The following PHKB variants were observed in gnomAD, a reference collection of about 807,000 sequenced individuals.
PHKB encodes phosphorylase kinase regulatory subunit beta.
PHKB carries 122 observed loss-of-function variants against 152.1 expected under a neutral mutation model. The ratio of observed to expected loss-of-function variants is 0.80; its 90% CI spans 0.69 to 0.93. The LOEUF (loss-of-function observed/expected upper bound fraction) is 0.93, where lower values mean the gene tolerates loss of function less well. Among genes scored for constraint, PHKB ranks in the 40% least tolerant of loss-of-function variants. The probability of loss-of-function intolerance (pLI) is 0.00; values close to 1 mark genes in which losing one functional copy is unlikely to be tolerated. For missense variants in PHKB, 1,304 were observed against 1,328.4 expected, an observed-to-expected ratio of 0.98 and a Z score of 0.29; for synonymous variants, 436 against 464.9, an observed-to-expected ratio of 0.94 and a Z score of 0.80.
At chr16:47,462,838 T>C (rs1969597151) in intron 1 of PHKB, 1 of 152,050 alleles carries the variant, frequency 6.6e-6, no homozygotes, top group Non-Finnish European at 1.5e-5. Context: ...AAAGTTCAGC[T>C]TTATATACTT....
chr16:47,604,060 A>G (rs1972281476), intron 13 of PHKB, among the ~76,000 whole-genome samples: 1 of 152,106 alleles, frequency 6.6e-6, no homozygotes, highest in Admixed American at 6.6e-5. Flanking sequence ...AAAAGCAAAA[A>G]CATTGCTAAC....
At chr16:47,547,291 T>G (rs946914493) in intron 6 of PHKB, 142 bp from the exon 7 acceptor site, 1 of 652,148 alleles carries the variant, frequency 1.5e-6, no homozygotes, top group East Asian at 2.8e-5. Flanking sequence ...TGCATGTTGG[T>G]CATGCTGGTC....
intron 26 of PHKB, among the ~76,000 whole-genome samples, chr16:47,673,318 G>A (rs1179350925): frequency 6.6e-6 from 1 of 152,078 alleles, no homozygotes; most frequent in Non-Finnish European, 1.5e-5. Flanking sequence ...TAGTAATGTG[G>A]AATTTAGGAA....
At chr16:47,621,622 A>G (rs2151715240) in intron 14 of PHKB, among the ~76,000 whole-genome samples, 1 of 152,340 alleles carries the variant, frequency 6.6e-6, no homozygotes, top group Admixed American at 6.5e-5. Flanking sequence ...TAGCTTGGCA[A>G]AGAAATAAAG....
Position 47,669,331 on chromosome 16 carries a change from C to T in PHKB, c.2544C>T (p.Val848=), listed in dbSNP as rs200981011. 161 of 1,614,078 alleles carry T rather than the reference C, an allele frequency of 1.0e-4. No homozygotes were observed. The Middle Eastern group carries it at 1.6e-3, about 17-fold the overall frequency. The change falls in exon 26 of 31, where the codon GTC becomes GTT. Residue 848 remains valine (V), a synonymous_variant. Coordinates refer to ENST00000323584, the MANE Select transcript of PHKB (RefSeq NM_000293.3). Reference sequence around the variant, plus strand: ...ACACCCATGATGAGAGGGAAGCGGTCATTCAGCAAGAACTGGTCATCCATA... The same window carrying T: ...ACACCCATGATGAGAGGGAAGCGGTTATTCAGCAAGAACTGGTCATCCATA... The part of the protein sequence containing the change: ...KCNTHDEREA[V]IQQELVIHIG...
At chr16:47,474,333 C>CA (rs1458722449) in intron 1 of PHKB, among the ~76,000 whole-genome samples, 1 of 152,132 alleles carries the variant, frequency 6.6e-6, no homozygotes, top group African/African-American at 2.4e-5. Context: ...TAGAGATGAA[C>CA]ACTTATGCTG....
intron 7 of PHKB, among the ~76,000 whole-genome samples, chr16:47,574,411 A>G (rs1008971684): frequency 6.6e-6 from 1 of 152,162 alleles, no homozygotes; most frequent in Non-Finnish European, 1.5e-5. Flanking sequence ...AAGTGTCTGA[A>G]GTTTCTTTCA....
At chr16:47,568,223 C>G (rs78392951) in intron 7 of PHKB, among the ~76,000 whole-genome samples, 3,975 of 152,218 alleles carry the variant, frequency 0.026, 161 homozygotes, top group African/African-American at 0.09. Flanking sequence ...TGTTACTGAT[C>G]AGCTCAAGAT....
chr16:47,566,732 C>A, intron 7 of PHKB: 1 of 765,306 alleles, frequency 1.3e-6, no homozygotes, highest in Non-Finnish European at 2.4e-6. Flanking sequence ...CATTACTGTT[C>A]CAAGTTGTTG....
chr16:47,616,799 C>G (rs1439617925), intron 14 of PHKB, among the ~76,000 whole-genome samples: 1 of 151,744 alleles, frequency 6.6e-6, no homozygotes, highest in Non-Finnish European at 1.5e-5. Context: ...TCAGGGATCT[C>G]ACTGCCTTCA....
At chr16:47,685,924 G>T (rs768644845) in intron 26 of PHKB, among the ~76,000 whole-genome samples, 32 of 151,964 alleles carry the variant, frequency 2.1e-4, no homozygotes, top group Non-Finnish European at 4.6e-4. Context: ...TGTATTTTTA[G>T]TGGAGACAGG....
rs530278106 is a variant in PHKB, at chr16:47,614,277, A to G, written c.1458+3357A>G. Among the ~76,000 whole-genome samples the G allele has an allele frequency of 3.3e-4, 51 of 152,332 alleles. No individual in the cohort carries two copies. Among genetic ancestry groups the G allele is most frequent in the Non-Finnish European group, 6.9e-4 (47 of 68,020 alleles). On this transcript the variant is annotated intron_variant, in intron 14 of 30. Coordinates refer to ENST00000323584, the MANE Select transcript of PHKB (RefSeq NM_000293.3). ...ATGAGAACTCCACCTCCATGATCCA[A>G]TCACATCCCACCAGTCCCTACCTTC...
At chr16:47,624,697 G>C (rs1972678619) in intron 14 of PHKB, among the ~76,000 whole-genome samples, 1 of 151,998 alleles carries the variant, frequency 6.6e-6, no homozygotes, top group Admixed American at 6.6e-5. Context: ...CTGTATTTAA[G>C]TGCTCCGCAG....
chr16:47,542,681 A>T (rs1971081803), intron 6 of PHKB, among the ~76,000 whole-genome samples: 1 of 152,070 alleles, frequency 6.6e-6, no homozygotes, highest in Admixed American at 6.6e-5. Flanking sequence ...TTCATTTAGC[A>T]GTGGTTTGTA....
intron 7 of PHKB, among the ~76,000 whole-genome samples, chr16:47,563,184 T>G (rs557161044): frequency 6.6e-6 from 1 of 151,324 alleles, no homozygotes; most frequent in Non-Finnish European, 1.5e-5. Context: ...CCTGTTAGTA[T>G]TGACATTTTG....
At chr16:47,581,295 TCCCAACTC>T (rs1210069315) in intron 8 of PHKB, among the ~76,000 whole-genome samples, 1 of 152,190 alleles carries the variant, frequency 6.6e-6, no homozygotes, top group African/African-American at 2.4e-5. Context: ...ACTCTTCTCA[TCCCAACTC>T]CCTCTAGAGG....
chr16:47,499,453 G>T (rs917106108), intron 2 of PHKB, among the ~76,000 whole-genome samples: 3 of 152,278 alleles, frequency 2.0e-5, no homozygotes, highest in Non-Finnish European at 2.9e-5. Context: ...CTCTGTACCT[G>T]ATGTTGTCCT....
At chr16:47,576,991 AT>A (rs1971760465) in intron 7 of PHKB, among the ~76,000 whole-genome samples, 1 of 150,900 alleles carries the variant, frequency 6.6e-6, no homozygotes, top group South Asian at 2.1e-4. Flanking sequence ...TTTCTTTTTT[AT>A]TTGTCTTTTT....
chr16:47,659,467 TTTCTC>T (rs1161543613), intron 20 of PHKB, among the ~76,000 whole-genome samples: 1 of 152,222 alleles, frequency 6.6e-6, no homozygotes, highest in Non-Finnish European at 1.5e-5. Flanking sequence ...ATTTCTCAAT[TTTCTC>T]TGACAATTCA....
Sources: allele counts gnomAD v4.1 joint callset (sites outside exome capture counted in the v4.1 genomes callset), GRCh38; gene constraint gnomAD v4.1.1; transcripts MANE v1.5; gene names NCBI Gene and HGNC (gene_info 2026-07-23, HGNC 2026-07-21).